CASKIN1: variants seen among roughly 807,000 people sequenced by gnomAD.
CASKIN1 encodes caskin-1.
CASKIN1 carries 42 observed loss-of-function variants against 117.5 expected under a neutral mutation model. The observed-to-expected ratio is 0.36, with a 90% confidence interval of 0.28 to 0.46. The LOEUF is 0.46. CASKIN1 is among the 20% of genes least tolerant of loss of function. CASKIN1 has a pLI of 1.00. For missense variants in CASKIN1, 2,083 were observed against 2,077.3 expected (o/e 1.00, Z -0.05); for synonymous variants, 1,148 against 961.7 (o/e 1.19, Z -3.59).
rs374360460 is a variant in CASKIN1, at chr16:2,183,834, G to A, written c.1524C>T (p.Pro508=). The A allele has an allele frequency of 1.3e-5, 21 of 1,612,748 alleles. No individual in the cohort carries two copies. Among genetic ancestry groups the A allele is most frequent in the South Asian group, 5.5e-5 (5 of 91,052 alleles). Residue 508 remains proline, a synonymous_variant, in exon 15 of 20, where the codon CCC becomes CCT. Transcript: ENST00000343516. ...TGGCGGCGCATGGAAAGCTCACCTCGGGAGTCATGCGGCTGATGGTGGGCA... is the reference window on the plus strand; with the variant it reads ...TGGCGGCGCATGGAAAGCTCACCTCAGGAGTCATGCGGCTGATGGTGGGCA... ...YDLPTISRMT[P]EDLTAIGVTK...
rs1350785233 is a variant in CASKIN1, at chr16:2,182,551, G to A, written c.1630-622C>T. The stretch of plus-strand genomic sequence containing the variant: ...TGAACACTCAGCCACCCCCAGGTGC[G>A]CGGCAAGGCCCGTGGGACCCGGACC... On this transcript the variant is annotated intron_variant, in intron 16 of 19. Coordinates refer to ENST00000343516, the MANE Select transcript of CASKIN1 (RefSeq NM_020764.4). The surrounding 1 kb of genome is among the most constrained non-coding windows in gnomAD (Gnocchi z 4.1). 6.6e-6 allele frequency among the ~76,000 whole-genome samples: 1 copy of A among 152,288 alleles called. No individual in the cohort carries two copies. The highest frequency in any genetic ancestry group is 2.4e-5 in the African/African-American group (1 of 41,558).
Position 2,178,027 on chromosome 16 carries a change from A to G in CASKIN1, c.*523T>C, listed in dbSNP as rs913013600. 1 of 436,844 alleles carries G rather than the reference A, an allele frequency of 2.3e-6. No homozygotes were observed. Among genetic ancestry groups the G allele is most frequent in the Non-Finnish European group, 4.3e-6 (1 of 232,330 alleles). The allele number at this position is 436,844 out of a possible 1,614,324, so 27.1% of individuals were successfully genotyped here. A position where few individuals can be genotyped will look rare whatever the true frequency, so the allele number is the denominator to read the frequency against. ...AATGGTTTTCTATAGAATCAATAATATTTCTTTCTTTAAATATATATTTGT... is the reference window on the plus strand; with the variant it reads ...AATGGTTTTCTATAGAATCAATAATGTTTCTTTCTTTAAATATATATTTGT... On this transcript the variant is annotated 3_prime_UTR_variant, in exon 20 of 20. Transcript: ENST00000343516.
At chr16:2,193,107 T>A (rs766050810) in intron 1 of CASKIN1, among the ~76,000 whole-genome samples, 1 of 151,940 alleles carries the variant, frequency 6.6e-6, no homozygotes, top group Non-Finnish European at 1.5e-5. Context: ...AACCTCCACC[T>A]CCCGGGTTCA....
chr16:2,196,416 T>A lies in CASKIN1; in HGVS notation c.17A>T (p.Glu6Val). 1 of 1,323,614 alleles carries A rather than the reference T, an allele frequency of 7.6e-7. No homozygotes were observed. Among genetic ancestry groups the A allele is most frequent in the Non-Finnish European group, 9.8e-7 (1 of 1,022,694 alleles). 82.0% of individuals were successfully genotyped at this position (1,323,614 alleles called of 1,614,324 possible). A position where few individuals can be genotyped will look rare whatever the true frequency, so the allele number is the denominator to read the frequency against. ...CTCCGCCTTCACCGCCTGCACCAGC[T>A]CCTGCTCCTTCCCCATGGCGCGGCC... MGKEQ[E>V]LVQAVKAEDV... is the part of the protein sequence containing the mutation. Residue 6 changes from glutamate to valine, a missense_variant, in exon 1 of 20, where the codon GAG becomes GTG. This residue lies in a region of CASKIN1 where 62 missense variants were observed against 49.7 expected (regional missense o/e 1.25). Coordinates refer to ENST00000343516, the MANE Select transcript of CASKIN1 (RefSeq NM_020764.4). The surrounding 1 kb of genome is among the most constrained non-coding windows in gnomAD (Gnocchi z 5.7).
Position 2,196,588 on chromosome 16 carries a change from G to A in CASKIN1, c.-156C>T, listed in dbSNP as rs1277636910. 1.2e-5 allele frequency: 2 copies of A among 160,244 alleles called. No individual in the cohort carries two copies. The highest frequency in any genetic ancestry group is 3.8e-4 in the South Asian group (2 of 5,300). The allele number at this position is 160,244 out of a possible 1,614,324, so 9.9% of individuals were successfully genotyped here. On this transcript the variant is annotated 5_prime_UTR_variant, in exon 1 of 20. Transcript: ENST00000343516. The surrounding 1 kb of genome is among the most constrained non-coding windows in gnomAD (Gnocchi z 5.7). ...TTCGCCCTCCTCGGGCTCCGGCTTG[G>A]GCTCGGGCTCCCGGCGCGGAGGGGG... is the stretch of plus-strand genomic sequence containing the variant.
At chr16:2,195,975 G>C (rs903042807) in intron 1 of CASKIN1, among the ~76,000 whole-genome samples, 10 of 151,916 alleles carry the variant, frequency 6.6e-5, no homozygotes, top group Admixed American at 3.3e-4. Context: ...GTGGTGGGTG[G>C]GGGGGGCATC....
intron 10 of CASKIN1, among the ~76,000 whole-genome samples, chr16:2,185,895 C>T (rs902741339): frequency 1.3e-5 from 2 of 152,266 alleles, no homozygotes; most frequent in African/African-American, 4.8e-5. Context: ...TCCTGTTACT[C>T]AGATGTACCC....
In CASKIN1 at chr16:2,179,150, C is replaced by G; in HGVS notation, c.3951G>C (p.Thr1317=). 3 of 1,066,416 alleles carry G rather than the reference C, an allele frequency of 2.8e-6. No individual in the cohort carries two copies. The highest frequency in any genetic ancestry group is 3.4e-6 in the Non-Finnish European group (3 of 882,716). The allele number at this position is 1,066,416 out of a possible 1,614,324, so 66.1% of individuals were successfully genotyped here. The change falls in exon 19 of 20, where the codon ACG becomes ACC. Residue 1317 remains threonine, a synonymous_variant. Coordinates refer to ENST00000343516, the MANE Select transcript of CASKIN1 (RefSeq NM_020764.4). The surrounding 1 kb of genome is among the most constrained non-coding windows in gnomAD (Gnocchi z 5.8). ...CGGGGCTGGCGCCCAGCGAGGGCGGCGTACCGGGCGGCTTGGCGAGGGCGG... is the reference window on the plus strand; with the variant it reads ...CGGGGCTGGCGCCCAGCGAGGGCGGGGTACCGGGCGGCTTGGCGAGGGCGG... The part of the protein sequence containing the change: ...PPAALAKPPG[T]PPSLGASPAK...
chr16:2,190,973 G>A (rs1324438547), intron 1 of CASKIN1, among the ~76,000 whole-genome samples: 5 of 152,158 alleles, frequency 3.3e-5, no homozygotes, highest in Admixed American at 2.0e-4. Flanking sequence ...CTGGCGACTC[G>A]GAGCACCTGA....
chr16:2,191,504 G>A (rs1239195111), intron 1 of CASKIN1, among the ~76,000 whole-genome samples: 2 of 152,236 alleles, frequency 1.3e-5, no homozygotes, highest in African/African-American at 2.4e-5. Flanking sequence ...AGGGCCTCCC[G>A]GAGGTGTGAG....
At chr16:2,187,750 T>C (rs1286282301) in intron 6 of CASKIN1, among the ~76,000 whole-genome samples, 1 of 151,868 alleles carries the variant, frequency 6.6e-6, no homozygotes, top group Non-Finnish European at 1.5e-5. Context: ...GCCTCCGGAG[T>C]AGCTGGGATC....
chr16:2,185,063 C>G (rs758459203), intron 12 of CASKIN1, 28 bp from the exon 13 acceptor site: 3 of 1,606,708 alleles, frequency 1.9e-6, no homozygotes, highest in South Asian at 2.2e-5. Flanking sequence ...CGGCTTGTCA[C>G]CTGCTCCCAG....
intron 9 of CASKIN1, 67 bp downstream of exon 9, chr16:2,186,911 G>A: frequency 1.3e-5 from 21 of 1,602,196 alleles, no homozygotes; most frequent in Non-Finnish European, 1.7e-5. Flanking sequence ...GCGGGAGGGT[G>A]TTCTGGGGTG....
chr16:2,188,463 G>A lies in CASKIN1; in HGVS notation c.617+564C>T, dbSNP rs138893171. Among the ~76,000 whole-genome samples, 846 of 151,750 alleles carry A rather than the reference G, an allele frequency of 5.6e-3. 10 individuals carry two copies. The highest frequency in any genetic ancestry group is 0.019 in the African/African-American group (796 of 41,326). ...CCTCATGGGCTCAAGTGATTCTCCTGCCTTAGCTTCCCAAGTAGCTGGGTC... is the reference window on the plus strand; with the variant it reads ...CCTCATGGGCTCAAGTGATTCTCCTACCTTAGCTTCCCAAGTAGCTGGGTC... On this transcript the variant is annotated intron_variant, in intron 6 of 19. Transcript: ENST00000343516.
At chr16:2,186,928 C>T (rs2141321692) in intron 9 of CASKIN1, 50 bp downstream of exon 9, 1 of 1,606,704 alleles carries the variant, frequency 6.2e-7, no homozygotes, top group Middle Eastern at 1.7e-4. Flanking sequence ...GGTGCGCACG[C>T]CCAGGTGCCG....
In CASKIN1 at chr16:2,187,025, T is replaced by C. The variant is rs772902793; in HGVS notation, c.883A>G (p.Asn295Asp). ...QVRATKDYCN[N>D]YDLTSLNVKA... ...ACGTTGAGGCTGGTCAGGTCGTAATTGTTGCAATAATCCTTGGTCGCCCGG... is the reference window on the plus strand; with the variant it reads ...ACGTTGAGGCTGGTCAGGTCGTAATCGTTGCAATAATCCTTGGTCGCCCGG... Residue 295 changes from asparagine to aspartate, a missense_variant, in exon 9 of 20, where the codon AAT becomes GAT. By Grantham distance (23) the Asn-to-Asp change is conservative. Coordinates refer to ENST00000343516, the MANE Select transcript of CASKIN1 (RefSeq NM_020764.4). The C allele has an allele frequency of 1.7e-5, 28 of 1,613,672 alleles. No individual in the cohort carries two copies. The highest frequency in any genetic ancestry group is 2.3e-5 in the Non-Finnish European group (27 of 1,179,926).
Position 2,196,424 on chromosome 16 carries a change from C to A in CASKIN1, c.9G>T (p.Lys3Asn). 1 of 1,313,700 alleles carries A rather than the reference C, an allele frequency of 7.6e-7. No individual in the cohort carries two copies. Among genetic ancestry groups the A allele is most frequent in the Non-Finnish European group, 9.8e-7 (1 of 1,017,306 alleles). 81.4% of individuals were successfully genotyped at this position (1,313,700 alleles called of 1,614,324 possible). MG[K>N]EQELVQAVKA... ...TCACCGCCTGCACCAGCTCCTGCTCCTTCCCCATGGCGCGGCCGGGGCCGC... is the reference window on the plus strand; with the variant it reads ...TCACCGCCTGCACCAGCTCCTGCTCATTCCCCATGGCGCGGCCGGGGCCGC... The change falls in exon 1 of 20, where the codon AAG becomes AAT. Residue 3 changes from lysine (K) to asparagine (N), a missense_variant. By Grantham distance (94) the Lys-to-Asn change is moderately conservative (BLOSUM62 0). Around this residue, in one of 3 missense-constraint regions of CASKIN1, gnomAD observed 62 missense variants for 49.7 expected, o/e 1.25. Transcript: ENST00000343516. The surrounding 1 kb of genome is among the most constrained non-coding windows in gnomAD (Gnocchi z 5.7).
At position 2,189,242 on chromosome 16, in the gene CASKIN1, A is replaced by C; in HGVS notation, c.482T>G (p.Val161Gly). 6.2e-7 allele frequency: 1 copy of C among 1,613,178 alleles called. No individual in the cohort carries two copies. Among genetic ancestry groups the C allele is most frequent in the Admixed American group, 1.7e-5 (1 of 60,008 alleles). ...AGGGCTCCACAGGAGACTCACCCCAACGCGGCCGAACTCGCAGGCCAGGTC... is the reference window on the plus strand; with the variant it reads ...AGGGCTCCACAGGAGACTCACCCCACCGCGGCCGAACTCGCAGGCCAGGTC... ...PLDLACEFGRVGVVQLLLSSN... is the reference protein window; with the variant it reads ...PLDLACEFGRGGVVQLLLSSN... The change falls in exon 5 of 20, where the codon GTT becomes GGT. Residue 161 changes from valine to glycine, a missense_variant. This residue lies in a region of CASKIN1 where 203 missense variants were observed against 338.7 expected (regional missense o/e 0.60). Transcript: ENST00000343516.
intron 1 of CASKIN1, among the ~76,000 whole-genome samples, chr16:2,195,177 C>T (rs1420139911): frequency 6.6e-6 from 1 of 152,220 alleles, no homozygotes; most frequent in Non-Finnish European, 1.5e-5. Flanking sequence ...TGCAAGGCAC[C>T]GGTGCCCCCT....
Sources: gnomAD v4.1 joint callset for allele counts (sites outside exome capture counted in the v4.1 genomes callset) on GRCh38, gnomAD v4.1.1 for gene constraint, gnomAD v4.1.1 regional missense constraint, Gnocchi (gnomAD v3.1) non-coding constraint, MANE v1.5 for transcripts, NCBI Gene and HGNC (gene_info 2026-07-23, HGNC 2026-07-21) for gene names.